The following OTOG variants were observed in gnomAD, a reference collection of about 807,000 sequenced individuals.
OTOG encodes the protein otogelin.
Under a neutral mutation model 313.8 loss-of-function variants are expected in OTOG, and 296 were observed. The ratio of observed to expected loss-of-function variants is 0.94; its 90% CI spans 0.86 to 1.04. The LOEUF is 1.04. OTOG is among the 50% of genes least tolerant of loss of function. OTOG has a pLI of 0.00. For missense variants in OTOG, 3,948 were observed against 3,840.1 expected, an observed-to-expected ratio of 1.03 and a Z score of -0.74; for synonymous variants, 1,533 against 1,554.9, an observed-to-expected ratio of 0.99 and a Z score of 0.33.
intron 34 of OTOG, 132 bp from the exon 35 acceptor site, chr11:17,608,998 G>A (rs958651773): frequency 1.3e-5 from 9 of 694,978 alleles, no homozygotes; most frequent in Admixed American, 2.6e-5. Flanking sequence ...TCATGTGTGT[G>A]TACACGTAAT....
intron 6 of OTOG, among the ~76,000 whole-genome samples, chr11:17,554,885 AGAGT>A (rs1852020308): frequency 6.6e-6 from 1 of 152,266 alleles, no homozygotes. Context: ...AAATATTGTA[AGAGT>A]GTATTACGCA....
intron 23 of OTOG, among the ~76,000 whole-genome samples, chr11:17,581,983 C>A (rs1373502078): frequency 6.6e-6 from 1 of 152,098 alleles, no homozygotes; most frequent in Non-Finnish European, 1.5e-5. Flanking sequence ...GTTGACCTAC[C>A]TTGTTGCATC....
intron 32 of OTOG, among the ~76,000 whole-genome samples, chr11:17,604,308 G>C (rs1306398201): frequency 6.6e-6 from 1 of 152,198 alleles, no homozygotes; most frequent in Admixed American, 6.5e-5. Context: ...GCCTTGATCC[G>C]GGCCAACCCC....
Position 17,610,913 on chromosome 11 carries a change from C to T in OTOG, c.5613C>T (p.Gly1871=). ...CTCACATAGCACCCCCAGCAGCAGGCACAGCTCCAGGCCTGCTGCTGGGAG... is the reference window on the plus strand; with the variant it reads ...CTCACATAGCACCCCCAGCAGCAGGTACAGCTCCAGGCCTGCTGCTGGGAG... ...PPTHIAPPAA[G]TAPGLLLGAT... Residue 1871 remains glycine, a synonymous_variant, in exon 36 of 56, where the codon GGC becomes GGT. Transcript: ENST00000399397. 2 of 1,550,588 alleles carry T rather than the reference C, an allele frequency of 1.3e-6. No individual in the cohort carries two copies. The highest frequency in any genetic ancestry group is 1.7e-6 in the Non-Finnish European group (2 of 1,147,010).
intron 46 of OTOG, 126 bp from the exon 47 acceptor site, chr11:17,635,484 G>A (rs558596138): frequency 8.3e-6 from 6 of 726,078 alleles, no homozygotes; most frequent in South Asian, 5.0e-5. Context: ...GAGACCATGC[G>A]ATGCTGCCAT....
At chr11:17,639,355 A>G in intron 48 of OTOG, 68 bp from the exon 49 acceptor site, 2 of 1,505,250 alleles carry the variant, frequency 1.3e-6, no homozygotes, top group South Asian at 1.2e-5. Flanking sequence ...TGAGAGGTCC[A>G]GGGTACCCAG....
At chr11:17,601,626 G>T (rs971031134) in intron 31 of OTOG, among the ~76,000 whole-genome samples, 1 of 136,950 alleles carries the variant, frequency 7.3e-6, no homozygotes, top group Non-Finnish European at 1.6e-5. Context: ...CTCAGCAGCC[G>T]TGGGGAGGAG....
chr11:17,566,699 A>G (rs1852299527), intron 15 of OTOG, among the ~76,000 whole-genome samples: 1 of 152,236 alleles, frequency 6.6e-6, no homozygotes, highest in Non-Finnish European at 1.5e-5. Context: ...TATTCCTATT[A>G]TTAACGCATA....
At chr11:17,622,841 G>A (rs534760376) in intron 39 of OTOG, among the ~76,000 whole-genome samples, 22 of 152,248 alleles carry the variant, frequency 1.4e-4, no homozygotes, top group South Asian at 4.1e-4. Flanking sequence ...TTCGATATAC[G>A]GATTTCCTTT....
At chr11:17,563,690 T>G (rs1042564290) in intron 15 of OTOG, among the ~76,000 whole-genome samples, 1 of 150,774 alleles carries the variant, frequency 6.6e-6, no homozygotes, top group Non-Finnish European at 1.5e-5. Context: ...ATCCCCCCCT[T>G]TTTTTTTGGA....
chr11:17,555,834 G>A lies in OTOG; in HGVS notation c.596G>A (p.Ser199Asn), dbSNP rs758969087. The change falls in exon 7 of 56, where the codon AGC becomes AAC. Residue 199 changes from serine to asparagine, a missense_variant. Physicochemically the swap from Ser to Asn is conservative, Grantham distance 46 (BLOSUM62 1). Coordinates refer to ENST00000399397, the MANE Select transcript of OTOG (RefSeq NM_001292063.2). ...CCCTACACCTGCTCCAGGGCTGTCA[G>A]CCTCTTCTTTGTGGGTGAGCAGGAG... ...SSPYTCSRAVSLFFVGEQEIH... is the reference protein window; with the variant it reads ...SSPYTCSRAVNLFFVGEQEIH... 8.4e-6 allele frequency: 13 copies of A among 1,550,788 alleles called. No individual in the cohort carries two copies. Among genetic ancestry groups the A allele is most frequent in the Admixed American group, 2.0e-5 (1 of 50,998 alleles).
chr11:17,561,178 A>G (rs1198030232), intron 14 of OTOG, 41 bp downstream of exon 14: 1 of 1,549,106 alleles, frequency 6.5e-7, no homozygotes, highest in Non-Finnish European at 8.7e-7. Flanking sequence ...CCCTTCTACC[A>G]GTCTGATAGG....
intron 23 of OTOG, among the ~76,000 whole-genome samples, chr11:17,581,945 G>A (rs2134042356): frequency 6.6e-6 from 1 of 152,194 alleles, no homozygotes; most frequent in South Asian, 2.1e-4. Flanking sequence ...ACCCTTTTGG[G>A]CCTGGCTTCT....
At chr11:17,614,256 GC>G (rs34403453) in intron 39 of OTOG, among the ~76,000 whole-genome samples, 5,454 of 152,132 alleles carry the variant, frequency 0.036, 112 homozygotes, top group South Asian at 0.073. Context: ...TTGTGAGTCT[GC>G]CCCCAATTCC....
intron 23 of OTOG, among the ~76,000 whole-genome samples, chr11:17,579,900 A>T (rs1433384325): frequency 6.6e-6 from 1 of 152,216 alleles, no homozygotes; most frequent in East Asian, 1.9e-4. Flanking sequence ...GTGCTGTATC[A>T]AAGGCCCTCT....
At chr11:17,589,777 C>T (rs149166493) in intron 24 of OTOG, among the ~76,000 whole-genome samples, 531 of 152,294 alleles carry the variant, frequency 3.5e-3, no homozygotes, top group Admixed American at 6.2e-3. Flanking sequence ...ATCATTCCTT[C>T]GAAACTATTC....
intron 14 of OTOG, 129 bp downstream of exon 14, chr11:17,561,266 C>T: frequency 9.2e-7 from 1 of 1,084,044 alleles, no homozygotes; most frequent in Non-Finnish European, 1.3e-6. Context: ...TACGCCCCGA[C>T]CCCTGTTTCC....
rs184461956 is a variant in OTOG, at chr11:17,632,211, C to T, written c.7057C>T (p.Arg2353Cys). 7.0e-5 allele frequency: 108 copies of T among 1,550,606 alleles called. No individual in the cohort carries two copies. Among genetic ancestry groups the T allele is most frequent in the Admixed American group, 2.9e-4 (15 of 50,984 alleles). ...ATTTCATGTGTGCATCGAGTGGCGG[C>T]GCTCTGACTACTGCCGTGAGTTTGC... is the stretch of plus-strand genomic sequence containing the variant. ...HKFHVCIEWR[R>C]SDYCPFLCSS... The change falls in exon 42 of 56, where the codon CGC (arginine) becomes TGC (cysteine). Residue 2353 changes from arginine (R) to cysteine (C), a missense_variant. Coordinates refer to ENST00000399397, the MANE Select transcript of OTOG (RefSeq NM_001292063.2).
At chr11:17,592,156 A>C (rs1260977543) in intron 25 of OTOG, among the ~76,000 whole-genome samples, 1 of 152,156 alleles carries the variant, frequency 6.6e-6, no homozygotes, top group Admixed American at 6.5e-5. Context: ...TGGGGGGCAC[A>C]GTGAAGGCAG....
Sources: gnomAD v4.1 joint callset for allele counts (sites outside exome capture counted in the v4.1 genomes callset) on GRCh38, gnomAD v4.1.1 for gene constraint, MANE v1.5 for transcripts, NCBI Gene and HGNC (gene_info 2026-07-23, HGNC 2026-07-21) for gene names.